Variants in AKR1C4 observed in about 807,000 individuals in gnomAD.
AKR1C4 encodes the protein 3-alpha-HSD1.
AKR1C4 carries 44 observed loss-of-function variants against 41.0 expected under a neutral mutation model. The observed-to-expected ratio is 1.07, with a 90% CI of 0.84 to 1.38. The LOEUF is 1.38. AKR1C4 is among the 40% of genes most tolerant of loss of function. The probability of loss-of-function intolerance (pLI) is 0.00; values close to 1 mark genes in which losing one functional copy is unlikely to be tolerated. For missense variants in AKR1C4, 438 were observed against 387.9 expected, an observed-to-expected ratio of 1.13 and a Z score of -1.09; for synonymous variants, 165 against 137.7, an observed-to-expected ratio of 1.20 and a Z score of -1.39.
At position 5,198,379 on chromosome 10, in the gene AKR1C4, C is replaced by A. The variant is rs370210420; in HGVS notation, c.84+1428C>A. Reference sequence around the variant, plus strand: ...TATCTGAGAAGTTGAATTTCTCACCCCTTCCTAACTGATAAGGGTAGCATC... The same window carrying A: ...TATCTGAGAAGTTGAATTTCTCACCACTTCCTAACTGATAAGGGTAGCATC... On this transcript the variant is annotated intron_variant, in intron 1 of 8. Coordinates refer to ENST00000263126, the MANE Select transcript of AKR1C4 (RefSeq NM_001818.5). 6.6e-5 allele frequency among the ~76,000 whole-genome samples: 10 copies of A among 152,220 alleles called. No individual in the cohort carries two copies. In the East Asian group the frequency reaches 1.4e-3, roughly 21 times the overall value.
intron 1 of AKR1C4, 147 bp from the exon 2 acceptor site, chr10:5,200,034 A>C: frequency 1.0e-6 from 1 of 964,360 alleles, no homozygotes; most frequent in Non-Finnish European, 1.5e-6. Flanking sequence ...CCCCATCTGT[A>C]TGCTCCCCTA....
chr10:5,211,119 T>A (rs565868539), intron 5 of AKR1C4, among the ~76,000 whole-genome samples: 8 of 152,272 alleles, frequency 5.3e-5, no homozygotes, highest in Non-Finnish European at 1.0e-4. Context: ...AACCATTTTT[T>A]CCTCCTAGAC....
intron 7 of AKR1C4, among the ~76,000 whole-genome samples, chr10:5,214,309 T>C (rs17134585): frequency 0.11 from 17,165 of 152,176 alleles, 1,185 homozygotes; most frequent in Admixed American, 0.17. Flanking sequence ...CCTGTACTGT[T>C]TAAGATTATG....
At chr10:5,217,746 C>A (rs1259118024) in intron 8 of AKR1C4, among the ~76,000 whole-genome samples, 2 of 152,094 alleles carry the variant, frequency 1.3e-5, no homozygotes, top group African/African-American at 2.4e-5. Flanking sequence ...GGCAACAGAG[C>A]AAGACTCAGT....
chr10:5,218,555 A>C (rs200456818), intron 8 of AKR1C4, among the ~76,000 whole-genome samples, 163 bp from the exon 9 acceptor site: 2 of 130,654 alleles, frequency 1.5e-5, no homozygotes, highest in South Asian at 5.1e-4. Context: ...AAAAAAAAAA[A>C]ACACATTATA....
intron 2 of AKR1C4, among the ~76,000 whole-genome samples, chr10:5,201,743 G>T (rs559306760): frequency 1.3e-5 from 2 of 152,256 alleles, no homozygotes; most frequent in Admixed American, 1.3e-4. Context: ...TATGGTTTCA[G>T]GTCTTAGACT....
intron 1 of AKR1C4, among the ~76,000 whole-genome samples, chr10:5,199,501 A>G (rs1363363658): frequency 6.6e-6 from 1 of 152,016 alleles, no homozygotes; most frequent in East Asian, 1.9e-4. Flanking sequence ...TAAAAACCCC[A>G]AATCCTAACA....
At chr10:5,204,514 A>C in intron 3 of AKR1C4, 21 bp downstream of exon 3, 1 of 1,516,306 alleles carries the variant, frequency 6.6e-7, no homozygotes, top group East Asian at 2.3e-5. Flanking sequence ...TGTGAGATCA[A>C]CTTCTCTTCT....
chr10:5,204,567 C>CT, intron 3 of AKR1C4, 74 bp downstream of exon 3: 2 of 1,158,752 alleles, frequency 1.7e-6, no homozygotes, highest in East Asian at 2.3e-5. Context: ...AATTGAACTT[C>CT]TTCTAAGGAG....
At chr10:5,210,300 A>G (rs1832552576) in intron 5 of AKR1C4, among the ~76,000 whole-genome samples, 1 of 152,208 alleles carries the variant, frequency 6.6e-6, no homozygotes, top group Admixed American at 6.5e-5. Flanking sequence ...GTGGCTTTGC[A>G]GGGTACAGCC....
chr10:5,213,305 C>T (rs1832606448), intron 7 of AKR1C4, 146 bp downstream of exon 7: 1 of 1,350,112 alleles, frequency 7.4e-7, no homozygotes, highest in Non-Finnish European at 9.9e-7. Flanking sequence ...GTGTTTTCTA[C>T]TCTACCACAG....
intron 2 of AKR1C4, 26 bp downstream of exon 2, chr10:5,200,374 T>C (rs1554796820): frequency 1.3e-6 from 2 of 1,599,206 alleles, no homozygotes; most frequent in East Asian, 4.5e-5. Flanking sequence ...TGAGCATGTA[T>C]GCACATGTGT....
At position 5,204,943 on chromosome 10, in the gene AKR1C4, A is replaced by G. The variant is rs1554797329; in HGVS notation, c.369+450A>G. ...GTTTTAAAAAGGAAACCATAATAGG[A>G]CCTGAGAATCCTTGCCTTTTTCACT... On this transcript the variant is annotated intron_variant, in intron 3 of 8. Coordinates refer to ENST00000263126, the MANE Select transcript of AKR1C4 (RefSeq NM_001818.5). 3.9e-5 allele frequency among the ~76,000 whole-genome samples: 6 copies of G among 152,164 alleles called. 1 individual carries two copies. Among genetic ancestry groups the G allele is most frequent in the Non-Finnish European group, 2.9e-5 (2 of 68,028 alleles).
At chr10:5,216,393 A>G (rs990643044) in intron 7 of AKR1C4, among the ~76,000 whole-genome samples, 6 of 152,198 alleles carry the variant, frequency 3.9e-5, no homozygotes, top group Non-Finnish European at 5.9e-5. Context: ...ATACATTTCA[A>G]AATTTCTCTA....
chr10:5,204,818 G>A (rs1212695823), intron 3 of AKR1C4, among the ~76,000 whole-genome samples: 1 of 152,102 alleles, frequency 6.6e-6, no homozygotes, highest in Non-Finnish European at 1.5e-5. Context: ...TGCAGCTGTG[G>A]TACCCCAAAA....
At chr10:5,205,630 C>T in intron 3 of AKR1C4, 127 bp from the exon 4 acceptor site, 1 of 663,974 alleles carries the variant, frequency 1.5e-6, no homozygotes, top group African/African-American at 1.9e-5. Context: ...AACACTTGGC[C>T]CACATCACTT....
chr10:5,211,154 T>G (rs1554797893), intron 5 of AKR1C4, among the ~76,000 whole-genome samples: 4 of 152,200 alleles, frequency 2.6e-5, no homozygotes, highest in Non-Finnish European at 4.4e-5. Flanking sequence ...GGGCCTGTGA[T>G]GAGAAGGGCT....
At chr10:5,206,444 T>C (rs782466989) in intron 5 of AKR1C4, 47 bp downstream of exon 5, 1 of 1,612,678 alleles carries the variant, frequency 6.2e-7, no homozygotes, top group Non-Finnish European at 8.5e-7. Flanking sequence ...ATGTCCATCT[T>C]CCTGTCCTAC....
intron 1 of AKR1C4, among the ~76,000 whole-genome samples, chr10:5,197,224 T>C (rs1832325078): frequency 6.6e-6 from 1 of 152,236 alleles, no homozygotes; most frequent in South Asian, 2.1e-4. Context: ...GCAGAATATA[T>C]AAAACTCAAC....
Sources: allele counts gnomAD v4.1 joint callset (sites outside exome capture counted in the v4.1 genomes callset), GRCh38; gene constraint gnomAD v4.1.1; transcripts MANE v1.5; gene names NCBI Gene and HGNC (gene_info 2026-07-23, HGNC 2026-07-21).